Variants in FBXO25 observed in about 807,000 individuals in gnomAD.
The protein encoded by FBXO25 is F-box only protein 25.
A neutral mutation model predicts 51.9 loss-of-function variants in FBXO25; 45 were observed. The ratio of observed to expected loss-of-function variants is 0.87; its 90% CI spans 0.68 to 1.11. FBXO25 has a LOEUF of 1.11. Ranked by LOEUF, FBXO25 falls within the 50% of genes most tolerant of loss-of-function variation. FBXO25 has a pLI of 0.00. For missense variants in FBXO25, 507 were observed against 428.5 expected (o/e 1.18, Z -1.62); for synonymous variants, 199 against 151.0 (o/e 1.32, Z -2.33).
intron 5 of FBXO25, among the ~76,000 whole-genome samples, chr8:442,959 A>G (rs533390357): frequency 6.6e-6 from 1 of 152,214 alleles, no homozygotes; most frequent in South Asian, 2.1e-4. Flanking sequence ...ATGCCGGATT[A>G]AAGTGTATTA....
intron 7 of FBXO25, among the ~76,000 whole-genome samples, chr8:453,867 A>T (rs1379543284): frequency 1.3e-5 from 2 of 152,178 alleles, no homozygotes; most frequent in African/African-American, 4.8e-5. Context: ...CCACACCTGT[A>T]ATCCCAGCCA....
chr8:420,333 A>G (rs1055869462), intron 2 of FBXO25: 2 of 152,156 alleles, frequency 1.3e-5, no homozygotes, highest in African/African-American at 2.4e-5. Context: ...ATGCTCTCCA[A>G]CCCTGCTACT....
At chr8:438,311 G>T (rs1214165841) in intron 5 of FBXO25, among the ~76,000 whole-genome samples, 8 of 152,064 alleles carry the variant, frequency 5.3e-5, no homozygotes, top group Admixed American at 5.2e-4. Context: ...CACCTGCCTC[G>T]GCCTCCCAAA....
intron 2 of FBXO25, among the ~76,000 whole-genome samples, chr8:429,024 T>C (rs1167677754): frequency 6.6e-6 from 1 of 152,236 alleles, no homozygotes; most frequent in Non-Finnish European, 1.5e-5. Context: ...ATCTCTTTCA[T>C]TCTCTGCTTT....
chr8:412,119 G>T (rs1313684718), intron 1 of FBXO25, among the ~76,000 whole-genome samples: 1 of 152,132 alleles, frequency 6.6e-6, no homozygotes, highest in African/African-American at 2.4e-5. Flanking sequence ...AGTTAATCAC[G>T]AAGTTGCATC....
Position 477,167 on chromosome 8 carries a change from T to TTTGAAATTTGTTGAC in FBXO25, c.*8367_*8381dup, listed in dbSNP as rs1385387517. The TTTGAAATTTGTTGAC allele has an allele frequency of 3.9e-5, 6 of 152,224 alleles. No homozygotes were observed. Among genetic ancestry groups the TTTGAAATTTGTTGAC allele is most frequent in the Non-Finnish European group, 8.8e-5 (6 of 68,046 alleles). The allele number at this position is 152,224 out of a possible 1,614,324, so 9.4% of individuals were successfully genotyped here. On this transcript the variant is annotated 3_prime_UTR_variant, in exon 10 of 10. Coordinates refer to ENST00000350302, the MANE Select transcript of FBXO25 (RefSeq NM_183420.2). ...AAAAGATATTTTATTTCCTCAGTCT[T>TTTGAAATTTGTTGAC]TTGAAATTTGTTGACTTGTTTAGTC...
At chr8:442,637 T>A (rs1236191116) in intron 5 of FBXO25, among the ~76,000 whole-genome samples, 1 of 151,904 alleles carries the variant, frequency 6.6e-6, no homozygotes, top group Non-Finnish European at 1.5e-5. Context: ...GCCTGGCTAA[T>A]TTTTGTAATT....
At position 475,035 on chromosome 8, in the gene FBXO25, CTGCCAAATCCAATGTTGTTAAAAGT is replaced by C. The variant is rs1458481264; in HGVS notation, c.*6233_*6257del. 2.4e-6 allele frequency: 1 copy of C among 409,634 alleles called. No homozygotes were observed. The highest frequency in any genetic ancestry group is 2.1e-5 in the African/African-American group (1 of 48,034). 25.4% of individuals were successfully genotyped at this position (409,634 alleles called of 1,614,324 possible). On this transcript the variant is annotated 3_prime_UTR_variant, in exon 10 of 10. Transcript: ENST00000350302. ...CTCTGGTGTCATATCTAAGAAATCA[CTGCCAAATCCAATGTTGTTAAAAGT>C]TTCCCTTATGTTTCTCCTAAATGTT...
intron 2 of FBXO25, among the ~76,000 whole-genome samples, chr8:426,808 C>CACCTGGCCTTGGTGCTCTTGTCGCCCT (rs772503405): frequency 0.087 from 13,000 of 148,962 alleles, 11 homozygotes; most frequent in East Asian, 0.21. Flanking sequence ...GCTGTGGCTC[C>CACCTGGCCTTGGTGCTCTTGTCGCCCT]ACCTGGCCTT....
chr8:409,425 T>G (rs2053793), intron 1 of FBXO25, among the ~76,000 whole-genome samples: 1 of 152,194 alleles, frequency 6.6e-6, no homozygotes. Context: ...ATCAAACTTA[T>G]CAGCTGAGAA....
At chr8:410,131 T>C (rs1471541244) in intron 1 of FBXO25, among the ~76,000 whole-genome samples, 1 of 152,206 alleles carries the variant, frequency 6.6e-6, no homozygotes, top group Non-Finnish European at 1.5e-5. Context: ...GCTGATTTGC[T>C]TTCTGCTCAA....
At chr8:419,732 C>A (rs1462546979) in intron 2 of FBXO25, among the ~76,000 whole-genome samples, 1 of 152,238 alleles carries the variant, frequency 6.6e-6, no homozygotes. Context: ...AAAGGAAAGT[C>A]TGCATGATCT....
At chr8:430,292 C>G (rs1797748915) in intron 2 of FBXO25, among the ~76,000 whole-genome samples, 1 of 152,182 alleles carries the variant, frequency 6.6e-6, no homozygotes, top group Non-Finnish European at 1.5e-5. Flanking sequence ...AACACATTTC[C>G]ATAAATTGCT....
In FBXO25 at chr8:469,950, A is replaced by G. The variant is rs574311948; in HGVS notation, c.*1146A>G. The G allele has an allele frequency of 6.6e-6, 1 of 152,318 alleles. No individual in the cohort carries two copies. Among genetic ancestry groups the G allele is most frequent in the Admixed American group, 6.5e-5 (1 of 15,296 alleles). The allele number at this position is 152,318 out of a possible 1,614,324, so 9.4% of individuals were successfully genotyped here. On this transcript the variant is annotated 3_prime_UTR_variant, in exon 10 of 10. Transcript: ENST00000350302. ...GACACAAATGGCCAAGAATGCATTT[A>G]TTTGTCAAATTATAGTTTCTCCTGA...
chr8:451,543 C>A, intron 7 of FBXO25, 90 bp downstream of exon 7: 1 of 1,225,206 alleles, frequency 8.2e-7, no homozygotes, highest in South Asian at 1.4e-5. Flanking sequence ...ACTGCTATAG[C>A]TTTTTGAAAG....
At chr8:423,335 T>C (rs1448957266) in intron 2 of FBXO25, among the ~76,000 whole-genome samples, 3 of 152,226 alleles carry the variant, frequency 2.0e-5, no homozygotes, top group Non-Finnish European at 4.4e-5. Context: ...AGGGGGTCCA[T>C]GTACAGATTT....
intron 9 of FBXO25, among the ~76,000 whole-genome samples, chr8:466,494 A>C (rs573211654): frequency 3.3e-5 from 5 of 152,194 alleles, no homozygotes; most frequent in African/African-American, 1.2e-4. Flanking sequence ...TTAGCATCCC[A>C]GTAGTTTGTG....
chr8:468,622 A>G, intron 9 of FBXO25, 93 bp from the exon 10 acceptor site: 1 of 928,742 alleles, frequency 1.1e-6, no homozygotes, highest in Non-Finnish European at 1.7e-6. Context: ...CCCAGGGTCC[A>G]CATCAACAAG....
intron 5 of FBXO25, among the ~76,000 whole-genome samples, chr8:447,548 G>C (rs554395530): frequency 6.6e-6 from 1 of 152,286 alleles, no homozygotes; most frequent in East Asian, 1.9e-4. Context: ...ACAGAAAAGA[G>C]ATTTTAATGA....
Sources: gnomAD v4.1 joint callset for allele counts (sites outside exome capture counted in the v4.1 genomes callset) on GRCh38, gnomAD v4.1.1 for gene constraint, MANE v1.5 for transcripts, NCBI Gene and HGNC (gene_info 2026-07-23, HGNC 2026-07-21) for gene names.